Variants in MYO7B observed in about 807,000 individuals in gnomAD.
The protein encoded by MYO7B is unconventional myosin-VIIb.
MYO7B carries 212 observed loss-of-function variants against 259.7 expected under a neutral mutation model. The observed-to-expected ratio is 0.82, with a 90% CI of 0.73 to 0.91. The LOEUF is 0.91. Among genes scored for constraint, MYO7B ranks in the 40% least tolerant of loss-of-function variants. MYO7B has a pLI of 0.00. For synonymous variants in MYO7B, 1,197 were observed against 1,166.4 expected (o/e 1.03, Z -0.54); for missense variants, 2,732 against 2,813.5 (o/e 0.97, Z 0.66).
chr2:127,578,399 C>A, intron 9 of MYO7B, 113 bp downstream of exon 9: 1 of 1,334,466 alleles, frequency 7.5e-7, no homozygotes, highest in Non-Finnish European at 1.0e-6. Flanking sequence ...CCAACCCAGG[C>A]CTGGAAAAAT....
At chr2:127,558,245 A>G (rs1050813467) in intron 1 of MYO7B, among the ~76,000 whole-genome samples, 1 of 152,268 alleles carries the variant, frequency 6.6e-6, no homozygotes, top group Non-Finnish European at 1.5e-5. Flanking sequence ...ACATGAAAAA[A>G]TGCTCAACAT....
intron 7 of MYO7B, among the ~76,000 whole-genome samples, chr2:127,575,946 T>C (rs1277071424): frequency 1.3e-5 from 2 of 152,146 alleles, no homozygotes; most frequent in African/African-American, 4.8e-5. Context: ...ATGCTTCAGA[T>C]TGTTTGATTT....
In MYO7B at chr2:127,546,762, GTCCATCCATCCA is replaced by G. The variant is rs3034060; in HGVS notation, c.-24+10962_-24+10973del. 3.6e-3 allele frequency among the ~76,000 whole-genome samples: 535 copies of G among 149,428 alleles called. 4 individuals carry two copies. The highest frequency in any genetic ancestry group is 0.011 in the African/African-American group (427 of 40,274). On this transcript the variant is annotated intron_variant, in intron 1 of 47. Coordinates refer to ENST00000409816, the MANE Select transcript of MYO7B (RefSeq NM_001393586.1). This position sits in a 1 kb window ranked among gnomAD's most constrained non-coding sequence, Gnocchi z 4.2. ...ATGCCTCACCTGCTTTCCTGGGTAGGTCCATCCATCCATCCATCCATCCATCCATCCATCCAT... is the reference window on the plus strand; with the variant it reads ...ATGCCTCACCTGCTTTCCTGGGTAGGTCCATCCATCCATCCATCCATCCAT...
chr2:127,629,571 G>C (rs1681347989), intron 34 of MYO7B, 74 bp from the exon 35 acceptor site: 1 of 1,442,738 alleles, frequency 6.9e-7, no homozygotes, highest in South Asian at 1.3e-5. Context: ...TGTCAAAGGA[G>C]ATGACCCACA....
intron 9 of MYO7B, among the ~76,000 whole-genome samples, chr2:127,579,877 C>A (rs1158679307): frequency 6.6e-6 from 1 of 152,186 alleles, no homozygotes; most frequent in Non-Finnish European, 1.5e-5. Flanking sequence ...CAAGCCACTG[C>A]GCCTGGCCCA....
chr2:127,616,961 G>T (rs909859708), intron 26 of MYO7B, among the ~76,000 whole-genome samples: 1 of 152,180 alleles, frequency 6.6e-6, no homozygotes, highest in Non-Finnish European at 1.5e-5. Flanking sequence ...CAGAGGTCTG[G>T]CGGTGTTCTT....
intron 6 of MYO7B, among the ~76,000 whole-genome samples, chr2:127,570,501 C>T (rs1274874535): frequency 6.6e-6 from 1 of 152,238 alleles, no homozygotes; most frequent in African/African-American, 2.4e-5. Flanking sequence ...CCGGTGACCC[C>T]GGCCTCAGTC....
At position 127,611,913 on chromosome 2, in the gene MYO7B, C is replaced by T. The variant is rs368921354; in HGVS notation, c.3193-337C>T. 7.2e-5 allele frequency among the ~76,000 whole-genome samples: 11 copies of T among 152,138 alleles called. No individual in the cohort carries two copies. The East Asian group carries it at 9.6e-4, about 13-fold the overall frequency. The stretch of plus-strand genomic sequence containing the variant: ...TAAGCACCTGGGCTCAGACCCAGTC[C>T]CACCTCCCAGGGGTTTACTGGGGAG... On this transcript the variant is annotated intron_variant, in intron 24 of 47. Coordinates refer to ENST00000409816, the MANE Select transcript of MYO7B (RefSeq NM_001393586.1). The surrounding 1 kb of genome is among the most constrained non-coding windows in gnomAD (Gnocchi z 5.4).
rs1443221655 is a variant in MYO7B at position 127,576,662 on chromosome 2, A to C, written c.803A>C (p.Gln268Pro). 2 of 1,612,392 alleles carry C rather than the reference A, an allele frequency of 1.2e-6. No individual in the cohort carries two copies. The highest frequency in any genetic ancestry group is 1.7e-4 in the Middle Eastern group (1 of 6,056). ...ATGGGGGTGAGTGCTGAGGACAAGC[A>C]GCTGCTGAGCCTGGGCACGCCCTCC... is the stretch of plus-strand genomic sequence containing the variant. ...MLMGVSAEDK[Q>P]LLSLGTPSEY... is the part of the protein sequence containing the mutation. The change falls in exon 8 of 48, where the codon CAG becomes CCG. Residue 268 changes from glutamine to proline, a missense_variant. Physicochemically the swap from Gln to Pro is moderately conservative, Grantham distance 76. Coordinates refer to ENST00000409816, the MANE Select transcript of MYO7B (RefSeq NM_001393586.1). This position sits in a 1 kb window ranked among gnomAD's most constrained non-coding sequence, Gnocchi z 4.9.
rs1365577884 is a variant in MYO7B, at chr2:127,615,839, T to C, written c.3398+3236T>C. On this transcript the variant is annotated intron_variant, in intron 26 of 47. Coordinates refer to ENST00000409816, the MANE Select transcript of MYO7B (RefSeq NM_001393586.1). This position sits in a 1 kb window ranked among gnomAD's most constrained non-coding sequence, Gnocchi z 4.4. ...GGCTGTGCAGCCCTTAATTGCCAGTTGGTGGTTTGTTCCGTCTTCGCATTC... is the reference window on the plus strand; with the variant it reads ...GGCTGTGCAGCCCTTAATTGCCAGTCGGTGGTTTGTTCCGTCTTCGCATTC... Among the ~76,000 whole-genome samples, 1 of 152,172 alleles carries C rather than the reference T, an allele frequency of 6.6e-6. No individual in the cohort carries two copies. The highest frequency in any genetic ancestry group is 1.9e-4 in the East Asian group (1 of 5,206).
At chr2:127,562,474 G>GT (rs1483055192) in intron 2 of MYO7B, among the ~76,000 whole-genome samples, 2 of 125,074 alleles carry the variant, frequency 1.6e-5, no homozygotes, top group African/African-American at 5.6e-5. Context: ...TTTTTGTGGG[G>GT]TTTTATTGTT....
Position 127,607,278 on chromosome 2 carries a change from C to G in MYO7B, c.2497C>G (p.Arg833Gly), listed in dbSNP as rs756017010. 13 of 1,551,250 alleles carry G rather than the reference C, an allele frequency of 8.4e-6. No individual in the cohort carries two copies. Among genetic ancestry groups the G allele is most frequent in the Non-Finnish European group, 1.0e-5 (12 of 1,146,988 alleles). ...QPLARQYQAM[R>G]QRTVQLQALC... The stretch of plus-strand genomic sequence containing the variant: ...GCTGGCGAGGCAGTACCAGGCCATG[C>G]GGCAGAGGACAGTCCAGCTGCAGGC... Residue 833 changes from arginine (R) to glycine (G), a missense_variant, in exon 21 of 48, where the codon CGG becomes GGG. This residue lies in a region of MYO7B where 1,906 missense variants were observed against 2,026.4 expected (regional missense o/e 0.94). Transcript: ENST00000409816. This position sits in a 1 kb window ranked among gnomAD's most constrained non-coding sequence, Gnocchi z 4.4.
intron 39 of MYO7B, among the ~76,000 whole-genome samples, chr2:127,632,668 G>A (rs1398232236): frequency 1.3e-5 from 2 of 152,232 alleles, no homozygotes; most frequent in Non-Finnish European, 2.9e-5. Flanking sequence ...CTGCCTGAGG[G>A]ATAGAGAGAA....
chr2:127,635,123 C>G lies in MYO7B; in HGVS notation c.5717C>G (p.Ala1906Gly), dbSNP rs556651314. Residue 1906 changes from alanine (A) to glycine (G), a missense_variant, in exon 43 of 48, where the codon GCC becomes GGC. Physicochemically the swap from Ala to Gly is moderately conservative, Grantham distance 60 (BLOSUM62 0). This residue lies in a region of MYO7B where 821 missense variants were observed against 769.3 expected (regional missense o/e 1.07). Coordinates refer to ENST00000409816, the MANE Select transcript of MYO7B (RefSeq NM_001393586.1). The part of the protein sequence containing the change: ...VKKNKPQKEG[A>G]PVTLPYQVYF... ...CCCACTGCTGGCCCTCGCCCAGGGG[C>G]CCCCGTGACGCTCCCCTACCAGGTG... The G allele has an allele frequency of 2.5e-6, 4 of 1,611,088 alleles. No individual in the cohort carries two copies. In the African/African-American group the frequency reaches 5.3e-5, roughly 22 times the overall value.
intron 1 of MYO7B, among the ~76,000 whole-genome samples, chr2:127,552,796 C>T (rs903935042): frequency 2.6e-5 from 4 of 152,138 alleles, no homozygotes; most frequent in African/African-American, 9.7e-5. Flanking sequence ...CTTTTCCCAC[C>T]TGCCACCCCC....
At chr2:127,572,021 A>G (rs149480642) in intron 6 of MYO7B, among the ~76,000 whole-genome samples, 1,547 of 151,992 alleles carry the variant, frequency 0.01, 18 homozygotes, top group Non-Finnish European at 0.018. Context: ...TGTTTTTCCT[A>G]TATGTTTTGT....
intron 26 of MYO7B, among the ~76,000 whole-genome samples, chr2:127,617,881 C>A (rs1214771450): frequency 6.9e-6 from 1 of 145,904 alleles, no homozygotes; most frequent in East Asian, 2.0e-4. Context: ...CTCCAGCAGA[C>A]CTTCCTCGCT....
In MYO7B at chr2:127,632,323, A is replaced by T; in HGVS notation, c.5327A>T (p.His1776Leu). Reference sequence around the variant, plus strand: ...CCGCCCAGCAAGGGGCTGCTGCCCCATGCCCAGAAGTTTATAGACACTCGG... The same window carrying T: ...CCGCCCAGCAAGGGGCTGCTGCCCCTTGCCCAGAAGTTTATAGACACTCGG... Reference protein sequence around the residue: ...LFPPSKGLLPHAQKFIDTRRG... With the variant: ...LFPPSKGLLPLAQKFIDTRRG... The change falls in exon 39 of 48, where the codon CAT becomes CTT. Residue 1776 changes from histidine to leucine, a missense_variant. By Grantham distance (99) the His-to-Leu change is moderately conservative (BLOSUM62 -3). This residue lies in a region of MYO7B where 821 missense variants were observed against 769.3 expected (regional missense o/e 1.07). Transcript: ENST00000409816. 6.2e-7 allele frequency: 1 copy of T among 1,608,882 alleles called. No homozygotes were observed. Among genetic ancestry groups the T allele is most frequent in the South Asian group, 1.1e-5 (1 of 90,640 alleles).
At chr2:127,574,334 G>C (rs1678772427) in intron 7 of MYO7B, among the ~76,000 whole-genome samples, 1 of 152,158 alleles carries the variant, frequency 6.6e-6, no homozygotes, top group African/African-American at 2.4e-5. Context: ...CCAGGAGTTT[G>C]AGATCAGCCT....
Sources: allele counts gnomAD v4.1 joint callset (sites outside exome capture counted in the v4.1 genomes callset), GRCh38; gene constraint gnomAD v4.1.1; regional missense constraint gnomAD v4.1.1; non-coding constraint Gnocchi (gnomAD v3.1); transcripts MANE v1.5; gene names NCBI Gene and HGNC (gene_info 2026-07-23, HGNC 2026-07-21).